PLCE1: variants seen among roughly 807,000 people sequenced by gnomAD.
PLCE1 encodes the protein 1-phosphatidylinositol 4,5-bisphosphate phosphodiesterase epsilon-1.
Under a neutral mutation model 242.8 loss-of-function variants are expected in PLCE1, and 119 were observed. The ratio of observed to expected loss-of-function variants is 0.49; its 90% CI spans 0.42 to 0.57. The LOEUF is 0.57. Ranked by LOEUF, PLCE1 falls within the 20% of genes least tolerant of loss-of-function variation. The probability of loss-of-function intolerance (pLI) is 0.00; values close to 1 mark genes in which losing one functional copy is unlikely to be tolerated. For synonymous variants in PLCE1, 945 were observed against 1,017.4 expected (o/e 0.93, Z 1.35); for missense variants, 2,441 against 2,788.8 (o/e 0.88, Z 2.81).
intron 7 of PLCE1, among the ~76,000 whole-genome samples, chr10:94,242,005 A>G (rs1032940351): frequency 1.3e-5 from 2 of 152,124 alleles, no homozygotes; most frequent in Non-Finnish European, 2.9e-5. Flanking sequence ...TCTTTTTGCC[A>G]TCTAATAGTG....
At chr10:94,009,359 T>C (rs1271827415) in intron 1 of PLCE1, among the ~76,000 whole-genome samples, 2 of 152,222 alleles carry the variant, frequency 1.3e-5, no homozygotes, top group Admixed American at 1.3e-4. Flanking sequence ...TCCATCCCCA[T>C]GATCCAAACA....
chr10:94,221,155 A>C (rs1326982586), intron 4 of PLCE1, among the ~76,000 whole-genome samples: 1 of 152,222 alleles, frequency 6.6e-6, no homozygotes, highest in African/African-American at 2.4e-5. Flanking sequence ...TTATCTGAAA[A>C]TGCAAATTAT....
At chr10:94,171,970 G>A (rs1288387356) in intron 4 of PLCE1, among the ~76,000 whole-genome samples, 6 of 152,156 alleles carry the variant, frequency 3.9e-5, no homozygotes, top group Non-Finnish European at 7.4e-5. Flanking sequence ...GAAACGTGGG[G>A]CAATTCATTG....
chr10:94,326,779 AC>A (rs1244696136), intron 32 of PLCE1, among the ~76,000 whole-genome samples: 1 of 152,168 alleles, frequency 6.6e-6, no homozygotes, highest in African/African-American at 2.4e-5. Flanking sequence ...ATTTTTTCTG[AC>A]CAATGGATTC....
intron 32 of PLCE1, 52 bp from the exon 33 acceptor site, chr10:94,327,916 T>C: frequency 9.8e-6 from 5 of 511,648 alleles, no homozygotes; most frequent in Non-Finnish European, 2.0e-5. Flanking sequence ...CGCAAGTGTT[T>C]CTGTTTCTTC....
intron 2 of PLCE1, among the ~76,000 whole-genome samples, chr10:94,091,002 T>C: frequency 6.6e-6 from 1 of 152,188 alleles, no homozygotes; most frequent in East Asian, 1.9e-4. Flanking sequence ...GACAAGCTAT[T>C]GTTACAAATG....
intron 1 of PLCE1, among the ~76,000 whole-genome samples, chr10:94,008,884 A>G (rs1242818311): frequency 1.3e-5 from 2 of 152,136 alleles, no homozygotes; most frequent in Non-Finnish European, 2.9e-5. Context: ...TCAGAAGTAG[A>G]TGAGAGAGGC....
chr10:93,996,814 T>C (rs2060833514), intron 1 of PLCE1, among the ~76,000 whole-genome samples: 1 of 152,212 alleles, frequency 6.6e-6, no homozygotes, highest in South Asian at 2.1e-4. Flanking sequence ...TTAAATGAAA[T>C]TAACCACCCA....
At chr10:94,094,158 G>T (rs929102638) in intron 2 of PLCE1, among the ~76,000 whole-genome samples, 1 of 150,904 alleles carries the variant, frequency 6.6e-6, no homozygotes, top group Non-Finnish European at 1.5e-5. Flanking sequence ...AGCCGGGATG[G>T]TCTCGATCTC....
chr10:94,227,529 G>A (rs920135304), intron 5 of PLCE1, 78 bp downstream of exon 5: 1 of 1,346,332 alleles, frequency 7.4e-7, no homozygotes, highest in Non-Finnish European at 1.1e-6. Context: ...AATTGTCCAG[G>A]GACTCACCTT....
In PLCE1 at chr10:94,298,295, T is replaced by G. The variant is rs913047490; in HGVS notation, c.5168-84T>G. On this transcript the variant is annotated intron_variant, in intron 23 of 32. Coordinates refer to ENST00000371380, the MANE Select transcript of PLCE1 (RefSeq NM_016341.4). This position sits in a 1 kb window ranked among gnomAD's most constrained non-coding sequence, Gnocchi z 5.2. ...ATGTGGTTTATATGCTATGACTGTT[T>G]ACTGGGATGTTGTTCAGGTTTATCT... 3 of 1,245,836 alleles carry G rather than the reference T, an allele frequency of 2.4e-6. No individual in the cohort carries two copies. Among genetic ancestry groups the G allele is most frequent in the East Asian group, 2.3e-5 (1 of 43,150 alleles). 77.2% of individuals were successfully genotyped at this position (1,245,836 alleles called of 1,614,324 possible).
chr10:94,252,907 C>A (rs1224707207), intron 9 of PLCE1, among the ~76,000 whole-genome samples: 1 of 152,050 alleles, frequency 6.6e-6, no homozygotes, highest in African/African-American at 2.4e-5. Context: ...GCAGAGGAGA[C>A]AGCATAGAGG....
chr10:94,282,470 T>A, intron 20 of PLCE1, among the ~76,000 whole-genome samples: 1 of 152,164 alleles, frequency 6.6e-6, no homozygotes, highest in Middle Eastern at 3.2e-3. Context: ...GACAGCACAA[T>A]TCCAAGAAAT....
intron 3 of PLCE1, among the ~76,000 whole-genome samples, chr10:94,169,002 A>AT (rs951755120): frequency 1.3e-5 from 2 of 151,722 alleles, no homozygotes; most frequent in African/African-American, 4.8e-5. Flanking sequence ...CCTGATTTTA[A>AT]TTTTTTTTTA....
intron 3 of PLCE1, among the ~76,000 whole-genome samples, chr10:94,136,324 T>C (rs912180449): frequency 6.6e-6 from 1 of 152,190 alleles, no homozygotes; most frequent in Non-Finnish European, 1.5e-5. Flanking sequence ...GTGGTGATAG[T>C]TGCACAGCAA....
chr10:94,020,824 T>A (rs189843318), intron 1 of PLCE1, among the ~76,000 whole-genome samples: 152 of 152,240 alleles, frequency 1.0e-3, no homozygotes, highest in African/African-American at 3.4e-3. Context: ...TAGTTTTTTT[T>A]ATTGTTGTTT....
At chr10:94,013,082 A>C (rs1256906304) in intron 1 of PLCE1, among the ~76,000 whole-genome samples, 1 of 152,218 alleles carries the variant, frequency 6.6e-6, no homozygotes, top group Non-Finnish European at 1.5e-5. Context: ...TGTTTAGCCC[A>C]ACTAACCCAA....
In PLCE1 at chr10:94,331,100, G is replaced by A. The variant is rs1366620130; in HGVS notation, c.*3157G>A. The A allele has an allele frequency of 6.6e-6, 1 of 152,228 alleles. No individual in the cohort carries two copies. Among genetic ancestry groups the A allele is most frequent in the African/African-American group, 2.4e-5 (1 of 41,468 alleles). 9.4% of individuals were successfully genotyped at this position (152,228 alleles called of 1,614,324 possible). A position where few individuals can be genotyped will look rare whatever the true frequency, so the allele number is the denominator to read the frequency against. ...TTTGAGGGGTAAAGCTTCTTTTCAT[G>A]TCATCATTAGCAAGTAAAAGTTATT... On this transcript the variant is annotated 3_prime_UTR_variant, in exon 33 of 33. Transcript: ENST00000371380.
intron 27 of PLCE1, among the ~76,000 whole-genome samples, chr10:94,309,913 C>G (rs1172095410): frequency 6.6e-6 from 1 of 152,088 alleles, no homozygotes; most frequent in Non-Finnish European, 1.5e-5. Flanking sequence ...ATAGTCCCAG[C>G]TACCTGGGAG....
Sources: gnomAD v4.1 joint callset for allele counts (sites outside exome capture counted in the v4.1 genomes callset) on GRCh38, gnomAD v4.1.1 for gene constraint, Gnocchi (gnomAD v3.1) non-coding constraint, MANE v1.5 for transcripts, NCBI Gene and HGNC (gene_info 2026-07-23, HGNC 2026-07-21) for gene names.